The following PTK2 variants were observed in gnomAD, a reference collection of about 807,000 sequenced individuals.
PTK2 encodes the protein focal adhesion kinase 1.
PTK2 carries 45 observed loss-of-function variants against 150.1 expected under a neutral mutation model. The observed-to-expected ratio is 0.30, with a 90% confidence interval of 0.24 to 0.38. PTK2 has a LOEUF of 0.38. Ranked by LOEUF, PTK2 falls within the 10% of genes least tolerant of loss-of-function variation. The pLI is 1.00. For missense variants in PTK2, 919 were observed against 1,307.3 expected (o/e 0.70, Z 4.58); for synonymous variants, 432 against 449.2 (o/e 0.96, Z 0.48).
chr8:140,950,070 CTT>C (rs71310805), intron 1 of PTK2, among the ~76,000 whole-genome samples: 60 of 152,116 alleles, frequency 3.9e-4, no homozygotes, highest in South Asian at 1.0e-3. Context: ...GAGCTACCCA[CTT>C]TGGGTCTCCT....
chr8:140,675,541 ACTT>A, intron 27 of PTK2, 42 bp from the exon 31 acceptor site: 1 of 1,494,044 alleles, frequency 6.7e-7, no homozygotes, highest in Non-Finnish European at 9.3e-7. Flanking sequence ...TGGTATATAC[ACTT>A]GGGCAATGAC....
At chr8:140,809,878 C>T (rs151283608) in intron 10 of PTK2, among the ~76,000 whole-genome samples, 176 of 152,296 alleles carry the variant, frequency 1.2e-3, no homozygotes, top group African/African-American at 3.5e-3. Flanking sequence ...CATGTTGTTA[C>T]GTAGATCAGT....
At chr8:140,716,483 C>T (rs1183385197) in intron 23 of PTK2, among the ~76,000 whole-genome samples, 1 of 152,178 alleles carries the variant, frequency 6.6e-6, no homozygotes, top group East Asian at 1.9e-4. Flanking sequence ...TGTGTTTCTT[C>T]TCTGGGCCTC....
At chr8:140,675,561 C>T (rs2100013141) in intron 27 of PTK2, 62 bp from the exon 31 acceptor site, 2 of 1,268,166 alleles carry the variant, frequency 1.6e-6, no homozygotes, top group African/African-American at 1.5e-5. Flanking sequence ...TGACCTCTCT[C>T]ACCCACCCTG....
intron 4 of PTK2, among the ~76,000 whole-genome samples, chr8:140,878,362 G>A (rs1334214135): frequency 6.6e-6 from 1 of 152,330 alleles, no homozygotes; most frequent in African/African-American, 2.4e-5. Context: ...CACTTTGGGA[G>A]GCCAAGGTGG....
intron 1 of PTK2, among the ~76,000 whole-genome samples, chr8:140,931,064 CTGTCTCAAA>C (rs2100171523): frequency 8.3e-6 from 1 of 120,090 alleles, no homozygotes; most frequent in Non-Finnish European, 1.7e-5. Context: ...GAGCGAGACT[CTGTCTCAAA>C]AAAAAAAAAA....
chr8:140,923,232 T>C (rs1230055427), intron 2 of PTK2, among the ~76,000 whole-genome samples: 1 of 152,158 alleles, frequency 6.6e-6, no homozygotes, highest in African/African-American at 2.4e-5. Context: ...AGAGACCAGA[T>C]TGAAACAGCA....
At chr8:140,679,057 C>T (rs910198666) in intron 27 of PTK2, among the ~76,000 whole-genome samples, 2 of 111,578 alleles carry the variant, frequency 1.8e-5, no homozygotes, top group African/African-American at 7.4e-5. Flanking sequence ...CGGACTCTTG[C>T]TCTGTCGCCC....
rs565840511 is a variant in PTK2 at position 140,728,092 on chromosome 8, G to A, written c.2030+7159C>T. Among the ~76,000 whole-genome samples the A allele has an allele frequency of 1.8e-4, 27 of 151,050 alleles. No individual in the cohort carries two copies. In the South Asian group the frequency reaches 4.9e-3, roughly 27 times the overall value. ...TGCGCGCCTGTAATCTCAGCTACTC[G>A]GCAGGGTGAGGCAAGAGAATTGCTT... On this transcript the variant is annotated intron_variant, in intron 22 of 31. Transcript: ENST00000522684.
chr8:140,838,407 T>C (rs944789033), intron 7 of PTK2, among the ~76,000 whole-genome samples: 1 of 152,076 alleles, frequency 6.6e-6, no homozygotes, highest in East Asian at 1.9e-4. Context: ...TGCATGCGAG[T>C]CCCTGCACAT....
chr8:140,865,166 A>C (rs994971950), intron 4 of PTK2, among the ~76,000 whole-genome samples: 1 of 152,244 alleles, frequency 6.6e-6, no homozygotes, highest in Non-Finnish European at 1.5e-5. Context: ...GTAAGTAATG[A>C]AAGTGAATAC....
At chr8:140,785,848 T>C (rs2100084662) in intron 14 of PTK2, among the ~76,000 whole-genome samples, 1 of 152,248 alleles carries the variant, frequency 6.6e-6, no homozygotes, top group Admixed American at 6.5e-5. Context: ...GCAAGGCCAC[T>C]GTGGGATTAA....
chr8:140,914,449 TC>T (rs1466835658), intron 2 of PTK2, among the ~76,000 whole-genome samples: 1 of 151,946 alleles, frequency 6.6e-6, no homozygotes, highest in Non-Finnish European at 1.5e-5. Flanking sequence ...TATTTTAGGT[TC>T]AGGGGTACAC....
chr8:140,904,618 G>T (rs2100160100), intron 2 of PTK2, among the ~76,000 whole-genome samples: 1 of 152,116 alleles, frequency 6.6e-6, no homozygotes, highest in Non-Finnish European at 1.5e-5. Flanking sequence ...CTGTGAATCT[G>T]TCTGGTCCTG....
intron 4 of PTK2, among the ~76,000 whole-genome samples, chr8:140,876,846 T>A (rs1350485391): frequency 6.6e-6 from 1 of 152,118 alleles, no homozygotes; most frequent in East Asian, 1.9e-4. Flanking sequence ...ACTATCCAAA[T>A]TCTCTTGGTT....
intron 2 of PTK2, among the ~76,000 whole-genome samples, chr8:140,896,820 G>C (rs910377404): frequency 7.5e-6 from 1 of 132,700 alleles, no homozygotes; most frequent in Admixed American, 7.9e-5. Flanking sequence ...CATAAACATT[G>C]GGAAAGAACA....
intron 3 of PTK2, among the ~76,000 whole-genome samples, chr8:140,887,885 C>T (rs1290172337): frequency 6.6e-6 from 1 of 152,172 alleles, no homozygotes; most frequent in Non-Finnish European, 1.5e-5. Flanking sequence ...AGACTAGCCA[C>T]ATTCAAGTGC....
chr8:140,694,142 G>T (rs7003762), intron 26 of PTK2, among the ~76,000 whole-genome samples: 1 of 150,588 alleles, frequency 6.6e-6, no homozygotes, highest in Non-Finnish European at 1.5e-5. Flanking sequence ...CTGGGTTCAC[G>T]CCATTCTCCT....
At chr8:140,762,894 C>A (rs761233863) in intron 15 of PTK2, among the ~76,000 whole-genome samples, 1 of 152,132 alleles carries the variant, frequency 6.6e-6, no homozygotes, top group Non-Finnish European at 1.5e-5. Flanking sequence ...AATCCTCACA[C>A]CTCAGCCTCC....
Sources: gnomAD v4.1 joint callset for allele counts (sites outside exome capture counted in the v4.1 genomes callset) on GRCh38, gnomAD v4.1.1 for gene constraint, MANE v1.5 for transcripts, NCBI Gene and HGNC (gene_info 2026-07-23, HGNC 2026-07-21) for gene names.